Variants in FBP1 observed in about 807,000 individuals in gnomAD.
FBP1 encodes the protein fructose-bisphosphatase 1, also known as fructose-1,6-bisphosphatase 1.
Under a neutral mutation model 29.9 loss-of-function variants are expected in FBP1, and 22 were observed. That is an observed-to-expected ratio of 0.74 (90% CI 0.53 to 1.05). The LOEUF is 1.05. Among genes scored for constraint, FBP1 ranks in the 50% least tolerant of loss-of-function variants. FBP1 has a pLI of 0.00. For synonymous variants in FBP1, 175 were observed against 178.6 expected (o/e 0.98, Z 0.16); for missense variants, 345 against 448.2 (o/e 0.77, Z 2.08).
intron 1 of FBP1, among the ~76,000 whole-genome samples, chr9:94,620,887 G>A (rs973434099): frequency 2.6e-5 from 4 of 152,186 alleles, no homozygotes; most frequent in Non-Finnish European, 4.4e-5. Context: ...CATTCTGCAT[G>A]TGTATCCCAG....
chr9:94,619,599 T>TTG (rs1827913376), intron 2 of FBP1, among the ~76,000 whole-genome samples: 1 of 151,582 alleles, frequency 6.6e-6, no homozygotes, highest in Non-Finnish European at 1.5e-5. Context: ...TAACGCCAGG[T>TTG]GTGGTGGCTC....
Position 94,635,086 on chromosome 9 carries a change from CAAAAAAAAAAA to C in FBP1, c.170+4044_170+4054del, listed in dbSNP as rs11289183. ...CCTGAGTGAGAGTGAGGCCCTGTCT[CAAAAAAAAAAA>C]AAAAAAAAAAAAACCAGTTAACTAA... On this transcript the variant is annotated intron_variant, in intron 1 of 6. Coordinates refer to ENST00000375326, the MANE Select transcript of FBP1 (RefSeq NM_000507.4). Among the ~76,000 whole-genome samples the C allele has an allele frequency of 1.9e-4, 16 of 82,246 alleles. No individual in the cohort carries two copies. In the East Asian group the frequency reaches 3.7e-3, roughly 19 times the overall value. The allele number at this position is 82,246 out of a possible 152,430, so 54.0% of individuals were successfully genotyped here. A position where few individuals can be genotyped will look rare whatever the true frequency, so the allele number is the denominator to read the frequency against.
chr9:94,615,170 A>G (rs542497670), intron 3 of FBP1, among the ~76,000 whole-genome samples: 1 of 152,286 alleles, frequency 6.6e-6, no homozygotes, highest in East Asian at 1.9e-4. Flanking sequence ...GGCCTCCCAA[A>G]GTGCTGGGAT....
At chr9:94,610,174 T>A in intron 3 of FBP1, 113 bp from the exon 4 acceptor site, 6 of 1,094,432 alleles carry the variant, frequency 5.5e-6, no homozygotes, top group Non-Finnish European at 6.8e-6. Context: ...AAATAGGGCA[T>A]CTTCCCAGAG....
chr9:94,613,044 T>C (rs1827808619), intron 3 of FBP1, among the ~76,000 whole-genome samples: 1 of 152,118 alleles, frequency 6.6e-6, no homozygotes, highest in Non-Finnish European at 1.5e-5. Flanking sequence ...TATTATTCCA[T>C]GTCATCACAT....
At position 94,639,384 on chromosome 9, in the gene FBP1, A is replaced by C. The variant is rs1828250880; in HGVS notation, c.-74T>G. 10 of 1,514,660 alleles carry C rather than the reference A, an allele frequency of 6.6e-6. No individual in the cohort carries two copies. The South Asian group carries it at 1.1e-4, about 16-fold the overall frequency. The allele number at this position is 1,514,660 out of a possible 1,614,324, so 93.8% of individuals were successfully genotyped here. On this transcript the variant is annotated 5_prime_UTR_variant, in exon 1 of 7. Coordinates refer to ENST00000375326, the MANE Select transcript of FBP1 (RefSeq NM_000507.4). ...GGGCTGCAGGTGCGGGCGGCAAGAGAGGGCAGTAGGCACTGGCCGCAGGTG... is the reference window on the plus strand; with the variant it reads ...GGGCTGCAGGTGCGGGCGGCAAGAGCGGGCAGTAGGCACTGGCCGCAGGTG...
Position 94,620,354 on chromosome 9 carries a change from G to C in FBP1, c.308C>G (p.Ala103Gly). 1 of 1,614,200 alleles carries C rather than the reference G, an allele frequency of 6.2e-7. No homozygotes were observed. Among genetic ancestry groups the C allele is most frequent in the Non-Finnish European group, 8.5e-7 (1 of 1,180,040 alleles). ...CVLVSEEDKH[A>G]IIVEPEKRGK... Reference sequence around the variant, plus strand: ...CCTTTTCTCCGGTTCCACTATGATGGCGTGTTTATCTTCTTCTGACACGAG... The same window carrying C: ...CCTTTTCTCCGGTTCCACTATGATGCCGTGTTTATCTTCTTCTGACACGAG... Residue 103 changes from alanine to glycine, a missense_variant, in exon 2 of 7, where the codon GCC becomes GGC. Transcript: ENST00000375326.
At chr9:94,631,852 G>A (rs1032827056) in intron 1 of FBP1, among the ~76,000 whole-genome samples, 2 of 152,116 alleles carry the variant, frequency 1.3e-5, no homozygotes, top group Admixed American at 6.5e-5. Flanking sequence ...AACATCCAAA[G>A]GTTCAGAAAT....
chr9:94,628,123 A>G (rs1376071805), intron 1 of FBP1, among the ~76,000 whole-genome samples: 1 of 152,254 alleles, frequency 6.6e-6, no homozygotes, highest in Non-Finnish European at 1.5e-5. Flanking sequence ...ACAGTGGCTC[A>G]TGCCTGTGAT....
intron 3 of FBP1, among the ~76,000 whole-genome samples, chr9:94,614,709 T>C (rs984522851): frequency 2.6e-5 from 4 of 152,232 alleles, no homozygotes; most frequent in Admixed American, 2.6e-4. Context: ...GTGGGCACCA[T>C]GGTGCGATTC....
intron 1 of FBP1, among the ~76,000 whole-genome samples, chr9:94,627,416 T>TG (rs1828042044): frequency 6.6e-6 from 1 of 152,164 alleles, no homozygotes; most frequent in African/African-American, 2.4e-5. Context: ...CATTCCTGAA[T>TG]GGCCCTGAAG....
rs56722632 is a variant in FBP1 at position 94,619,874 on chromosome 9, C to CAAAAAAAAAAAAAAAAAA, written c.333+437_333+454dup. ...GGGCAACAAGAGCAAAACACTGTCTCAAAAAAAAAAAAAAAAAAAAAAAAA... is the reference window on the plus strand; with the variant it reads ...GGGCAACAAGAGCAAAACACTGTCTCAAAAAAAAAAAAAAAAAAAAAAAAAAAAAAAAAAAAAAAAAAA... On this transcript the variant is annotated intron_variant, in intron 2 of 6. Transcript: ENST00000375326. 4.6e-4 allele frequency among the ~76,000 whole-genome samples: 46 copies of CAAAAAAAAAAAAAAAAAA among 99,152 alleles called. 2 individuals are homozygous for CAAAAAAAAAAAAAAAAAA. Among genetic ancestry groups the CAAAAAAAAAAAAAAAAAA allele is most frequent in the African/African-American group, 2.4e-3 (42 of 17,520 alleles). 65.0% of individuals were successfully genotyped at this position (99,152 alleles called of 152,430 possible).
chr9:94,624,666 A>T (rs1827998426), intron 1 of FBP1, among the ~76,000 whole-genome samples: 1 of 152,220 alleles, frequency 6.6e-6, no homozygotes, highest in Admixed American at 6.5e-5. Flanking sequence ...AAAAATAAAA[A>T]AAAGAAAGAA....
At chr9:94,633,862 G>A (rs1418962221) in intron 1 of FBP1, among the ~76,000 whole-genome samples, 1 of 151,272 alleles carries the variant, frequency 6.6e-6, no homozygotes, top group Non-Finnish European at 1.5e-5. Context: ...CCGCCACCAC[G>A]CCCGGCTAAT....
chr9:94,616,918 C>T (rs1008007921), intron 3 of FBP1, among the ~76,000 whole-genome samples: 10 of 60,304 alleles, frequency 1.7e-4, no homozygotes. Flanking sequence ...CCTCTCTCTC[C>T]TCTCTCTCTC....
chr9:94,614,755 TC>T (rs1196009691), intron 3 of FBP1, among the ~76,000 whole-genome samples: 1 of 151,880 alleles, frequency 6.6e-6, no homozygotes, highest in African/African-American at 2.4e-5. Context: ...GCAGGAAAAA[TC>T]CCCTTGGAAG....
chr9:94,607,536 C>T (rs919535500), intron 4 of FBP1, among the ~76,000 whole-genome samples: 2 of 152,296 alleles, frequency 1.3e-5, no homozygotes, highest in East Asian at 1.9e-4. Flanking sequence ...GGCCTTTGCT[C>T]GCTGGCGTGT....
rs1827759375 is a variant in FBP1, at chr9:94,610,006, A to C, written c.482T>G (p.Val161Gly). The change falls in exon 4 of 7, where the codon GTG becomes GGG. Residue 161 changes from valine (V) to glycine (G), a missense_variant. Physicochemically the swap from Val to Gly is moderately radical, Grantham distance 109. Transcript: ENST00000375326. ...KDALQPGRNL[V>G]AAGYALYGSA... The stretch of plus-strand genomic sequence containing the variant: ...GCCATACAGTGCGTAGCCGGCTGCC[A>C]CCAGGTTCCGGCCTGGTTGCAGAGC... 1 of 1,614,094 alleles carries C rather than the reference A, an allele frequency of 6.2e-7. No individual in the cohort carries two copies. The highest frequency in any genetic ancestry group is 1.1e-5 in the South Asian group (1 of 91,078).
rs891307494 is a variant in FBP1 at position 94,615,017 on chromosome 9, T to C, written c.426+2751A>G. 3.3e-5 allele frequency among the ~76,000 whole-genome samples: 5 copies of C among 152,270 alleles called. No individual in the cohort carries two copies. In the East Asian group the frequency reaches 9.7e-4, roughly 29 times the overall value. ...TCCGCCTCCCAGGTTCACACCATTC[T>C]CCTGCCTCAGCCTCCCAGGTAGCTG... On this transcript the variant is annotated intron_variant, in intron 3 of 6. Transcript: ENST00000375326.
Sources: allele counts gnomAD v4.1 joint callset (sites outside exome capture counted in the v4.1 genomes callset), GRCh38; gene constraint gnomAD v4.1.1; transcripts MANE v1.5; gene names NCBI Gene and HGNC (gene_info 2026-07-23, HGNC 2026-07-21).